The following PMFBP1 variants were observed in gnomAD, a reference collection of about 807,000 sequenced individuals.
PMFBP1 encodes polyamine modulated factor 1 binding protein 1.
Under a neutral mutation model 137.8 loss-of-function variants are expected in PMFBP1, and 131 were observed. The observed-to-expected ratio is 0.95, with a 90% CI of 0.82 to 1.10. The LOEUF (loss-of-function observed/expected upper bound fraction) is 1.10. Ranked by LOEUF, PMFBP1 falls within the 50% of genes least tolerant of loss-of-function variation. PMFBP1 has a pLI of 0.00. For synonymous variants in PMFBP1, 490 were observed against 450.4 expected, an observed-to-expected ratio of 1.09 and a Z score of -1.11; for missense variants, 1,199 against 1,175.4, an observed-to-expected ratio of 1.02 and a Z score of -0.29.
chr16:72,146,069 A>C (rs1002882718), intron 5 of PMFBP1, among the ~76,000 whole-genome samples: 1 of 152,174 alleles, frequency 6.6e-6, no homozygotes, highest in Non-Finnish European at 1.5e-5. Context: ...GAGACACAAC[A>C]AAAAAAGAGA....
intron 7 of PMFBP1, among the ~76,000 whole-genome samples, chr16:72,138,912 C>A (rs1033367479): frequency 2.0e-3 from 242 of 119,792 alleles, no homozygotes; most frequent in Admixed American, 2.2e-3. Flanking sequence ...ACAGAGTTCT[C>A]AAAAAAAAAA....
rs773374494 is a variant in PMFBP1 at position 72,136,599 on chromosome 16, A to T, written c.1052T>A (p.Met351Lys). 6.2e-6 allele frequency: 10 copies of T among 1,613,920 alleles called. No individual in the cohort carries two copies. Among genetic ancestry groups the T allele is most frequent in the Non-Finnish European group, 8.5e-6 (10 of 1,180,022 alleles). Reference protein sequence around the residue: ...EQKRNIMKDMMKLELDLHGLR... With the variant: ...EQKRNIMKDMKKLELDLHGLR... The stretch of plus-strand genomic sequence containing the variant: ...TCCGTGCAGGTCCAGCTCCAGCTTC[A>T]TCATGTCTACCATGGGGCGGGACAG... The change falls in exon 9 of 21, where the codon ATG (methionine) becomes AAG (lysine). Residue 351 changes from methionine to lysine, a missense_variant. By Grantham distance (95) the Met-to-Lys change is moderately conservative. Transcript: ENST00000237353.
In PMFBP1 at chr16:72,119,976, C is replaced by G. The variant is rs541903044; in HGVS notation, c.2882G>C (p.Gly961Ala). Residue 961 changes from glycine to alanine, a missense_variant, in exon 20 of 21, where the codon GGC becomes GCC. By Grantham distance (60) the Gly-to-Ala change is moderately conservative. Coordinates refer to ENST00000237353, the MANE Select transcript of PMFBP1 (RefSeq NM_031293.3). ...ENTRLCTKAL[G>A]PSRTESTQRE... is the part of the protein sequence containing the mutation. ...CTGTGTGGACTCCGTTCTGCTCGGG[C>G]CTAGGGCTTTGGTGCATAGCCTTGT... 3 of 1,613,832 alleles carry G rather than the reference C, an allele frequency of 1.9e-6. No homozygotes were observed. The African/African-American group carries it at 4.0e-5, about 22-fold the overall frequency.
At chr16:72,181,072 C>G (rs2144547834), upstream of PMFBP1, among the ~76,000 whole-genome samples, 1 of 152,100 alleles carries the variant, frequency 6.6e-6, no homozygotes, top group East Asian at 1.9e-4. Flanking sequence ...AACCCCGTCT[C>G]TACTAAAAAT....
At chr16:72,136,885 C>A in intron 7 of PMFBP1, 66 bp from the exon 8 acceptor site, 1 of 1,599,070 alleles carries the variant, frequency 6.3e-7, no homozygotes, top group Non-Finnish European at 8.5e-7. Flanking sequence ...TTCTAAAATG[C>A]CCAGCATCCA....
chr16:72,134,136 C>T (rs1449882088), intron 9 of PMFBP1, among the ~76,000 whole-genome samples: 1 of 152,096 alleles, frequency 6.6e-6, no homozygotes, highest in East Asian at 1.9e-4. Context: ...TATATTTTCC[C>T]TCCTTTCATT....
intron 4 of PMFBP1, among the ~76,000 whole-genome samples, chr16:72,151,624 A>G (rs1290217654): frequency 6.6e-6 from 1 of 152,196 alleles, no homozygotes; most frequent in Non-Finnish European, 1.5e-5. Flanking sequence ...CTGATAGAAC[A>G]TGTTCCATTA....
chr16:72,186,109 T>C, the PMFBP1 span, among the ~76,000 whole-genome samples: 1 of 152,172 alleles, frequency 6.6e-6, no homozygotes, highest in Non-Finnish European at 1.5e-5. Flanking sequence ...GTCTGCATCA[T>C]GAGATTGATA....
chr16:72,153,042 C>T (rs898855600), intron 4 of PMFBP1, among the ~76,000 whole-genome samples: 4 of 152,210 alleles, frequency 2.6e-5, no homozygotes, highest in African/African-American at 9.6e-5. Context: ...CAGAAATCAA[C>T]TAGCTTATTT....
At chr16:72,220,873 G>A in the PMFBP1 span, among the ~76,000 whole-genome samples, 8 of 152,242 alleles carry the variant, frequency 5.3e-5, 1 homozygote, top group African/African-American at 1.9e-4. Flanking sequence ...CCTAATCACT[G>A]TCTGCTTTGG....
the PMFBP1 span, among the ~76,000 whole-genome samples, chr16:72,187,123 A>T: frequency 0.02 from 2,991 of 151,936 alleles, 42 homozygotes; most frequent in Non-Finnish European, 0.026. Context: ...AAAAAAAAAA[A>T]AAATAAATAA....
In PMFBP1 at chr16:72,136,582, G is replaced by A. The variant is rs749264212; in HGVS notation, c.1069C>T (p.Leu357=). The change falls in exon 9 of 21, where the codon CTG becomes TTG. Residue 357 remains leucine, a synonymous_variant. Coordinates refer to ENST00000237353, the MANE Select transcript of PMFBP1 (RefSeq NM_031293.3). ...GATGTCTCCTCCCGCAGTCCGTGCAGGTCCAGCTCCAGCTTCATCATGTCT... is the reference window on the plus strand; with the variant it reads ...GATGTCTCCTCCCGCAGTCCGTGCAAGTCCAGCTCCAGCTTCATCATGTCT... ...MKDMMKLELD[L]HGLREETSAH... The A allele has an allele frequency of 6.2e-7, 1 of 1,614,058 alleles. No homozygotes were observed. The highest frequency in any genetic ancestry group is 1.1e-5 in the South Asian group (1 of 91,068).
In PMFBP1 at chr16:72,150,783, CCT is replaced by C. The variant is rs1489655360; in HGVS notation, c.459_460del (p.Lys156AlafsTer28). On this transcript the variant is annotated frameshift_variant, in exon 5 of 21. Transcript: ENST00000237353. LOFTEE classifies it high-confidence loss of function. ...CTCCTGCGCCAAATGGAGCTTCTCCCCTGTGTTCTCGTTGTGATTTCCCATTT... is the reference window on the plus strand; with the variant it reads ...CTCCTGCGCCAAATGGAGCTTCTCCCGTGTTCTCGTTGTGATTTCCCATTT... 1.9e-6 allele frequency: 3 copies of C among 1,614,170 alleles called. No individual in the cohort carries two copies.
chr16:72,161,200 C>T (rs902246547), intron 3 of PMFBP1, among the ~76,000 whole-genome samples: 4 of 150,264 alleles, frequency 2.7e-5, no homozygotes, highest in East Asian at 3.9e-4. Flanking sequence ...TGGATTCAAG[C>T]GATTTTCTTG....
chr16:72,218,169 C>T, the PMFBP1 span, among the ~76,000 whole-genome samples: 2 of 152,060 alleles, frequency 1.3e-5, no homozygotes, highest in African/African-American at 4.8e-5. Flanking sequence ...TCTCAGGGAA[C>T]CTTCTGACAA....
the PMFBP1 span, among the ~76,000 whole-genome samples, chr16:72,235,829 T>G: frequency 1.3e-5 from 2 of 152,184 alleles, no homozygotes; most frequent in South Asian, 4.1e-4. Flanking sequence ...ATTTTTTGCC[T>G]ATTGATCTTG....
At chr16:72,201,603 T>C in the PMFBP1 span, among the ~76,000 whole-genome samples, 1 of 152,200 alleles carries the variant, frequency 6.6e-6, no homozygotes, top group African/African-American at 2.4e-5. Context: ...CCAGCAAAGC[T>C]GCCAATCACA....
At chr16:72,135,180 T>A (rs117191519) in intron 9 of PMFBP1, among the ~76,000 whole-genome samples, 2 of 151,958 alleles carry the variant, frequency 1.3e-5, no homozygotes, top group African/African-American at 2.4e-5. Context: ...TGATGATGAT[T>A]ATTATTATTA....
chr16:72,186,685 C>A, the PMFBP1 span, among the ~76,000 whole-genome samples: 1 of 152,160 alleles, frequency 6.6e-6, no homozygotes, highest in African/African-American at 2.4e-5. Context: ...TAGGAGATGA[C>A]TCTTTTCAAA....
Sources: gnomAD v4.1 joint callset for allele counts (sites outside exome capture counted in the v4.1 genomes callset) on GRCh38, gnomAD v4.1.1 for gene constraint, MANE v1.5 for transcripts, NCBI Gene and HGNC (gene_info 2026-07-23, HGNC 2026-07-21) for gene names.